The following EIF4G3 variants were observed in gnomAD, a reference collection of about 807,000 sequenced individuals.
EIF4G3 encodes the protein eukaryotic translation initiation factor 4 gamma 3.
In EIF4G3, 34 loss-of-function variants were observed where a neutral mutation model predicts 186.4. The ratio of observed to expected loss-of-function variants is 0.18; its 90% CI spans 0.14 to 0.24. The LOEUF (loss-of-function observed/expected upper bound fraction) is 0.24, where lower values mean the gene tolerates loss of function less well. Among genes scored for constraint, EIF4G3 ranks in the 10% least tolerant of loss-of-function variants. The pLI, the probability that EIF4G3 is intolerant of heterozygous loss-of-function variation, is 1.00. For missense variants in EIF4G3, 1,536 were observed against 1,948.5 expected, an observed-to-expected ratio of 0.79 and a Z score of 3.99; for synonymous variants, 673 against 679.5, an observed-to-expected ratio of 0.99 and a Z score of 0.15.
intron 2 of EIF4G3, among the ~76,000 whole-genome samples, chr1:21,129,531 G>C (rs894722847): frequency 1.1e-4 from 17 of 150,884 alleles, no homozygotes; most frequent in African/African-American, 4.2e-4. Flanking sequence ...AAACTGGAGA[G>C]AGTCCCATCT....
Position 20,865,157 on chromosome 1 carries a change from C to T in EIF4G3, c.2728G>A (p.Val910Ile). The T allele has an allele frequency of 6.2e-7, 1 of 1,614,124 alleles. No homozygotes were observed. The highest frequency in any genetic ancestry group is 8.5e-7 in the Non-Finnish European group (1 of 1,179,982). ...EFEKDKADDDVFEKKQKELEA... is the reference protein window; with the variant it reads ...EFEKDKADDDIFEKKQKELEA... ...AGTTCTTTCTGCTTCTTCTCAAAGA[C>T]ATCATCATCTGCTTTATCTTTTTCA... The change falls in exon 21 of 37, where the codon GTC becomes ATC. Residue 910 changes from valine to isoleucine, a missense_variant. Val to Ile is a conservative substitution (Grantham distance 29, BLOSUM62 3). This residue lies in a region of EIF4G3 where 77 missense variants were observed against 131.6 expected (regional missense o/e 0.59). Coordinates refer to ENST00000602326, the MANE Select transcript of EIF4G3 (RefSeq NM_001391906.1).
intron 2 of EIF4G3, among the ~76,000 whole-genome samples, chr1:21,118,806 CAG>C (rs2096875227): frequency 7.1e-6 from 1 of 140,492 alleles, no homozygotes; most frequent in Non-Finnish European, 1.6e-5. Context: ...AAAAAAGAAA[CAG>C]AAATGCTGAG....
At chr1:21,157,986 T>C (rs1232898719) in intron 2 of EIF4G3, among the ~76,000 whole-genome samples, 2 of 152,040 alleles carry the variant, frequency 1.3e-5, no homozygotes, top group African/African-American at 4.8e-5. Flanking sequence ...GAAAGAATAA[T>C]GAGCAGTAAG....
rs200981124 is a variant in EIF4G3 at position 20,817,286 on chromosome 1, AT to A, written c.4515+105del. The A allele has an allele frequency of 4.9e-3, 1,856 of 376,206 alleles. 42 individuals carry two copies. In the African/African-American group the frequency reaches 0.064, roughly 13 times the overall value. 23.3% of individuals were successfully genotyped at this position (376,206 alleles called of 1,614,324 possible). ...TAAAAAAATAAATAAATAAAAAAAAATAAAAATAAAAATTCATGAAGTGAAC... is the reference window on the plus strand; with the variant it reads ...TAAAAAAATAAATAAATAAAAAAAAAAAAAATAAAAATTCATGAAGTGAAC... On this transcript the variant is annotated intron_variant, in intron 34 of 36. Coordinates refer to ENST00000602326, the MANE Select transcript of EIF4G3 (RefSeq NM_001391906.1).
chr1:20,827,742 C>A, intron 31 of EIF4G3, 44 bp from the exon 32 acceptor site: 3 of 1,354,772 alleles, frequency 2.2e-6, no homozygotes, highest in African/African-American at 1.4e-5. Context: ...TAAAGAAATC[C>A]TTTCTTCTAG....
At chr1:20,901,249 T>C (rs370531254) in intron 15 of EIF4G3, among the ~76,000 whole-genome samples, 19 of 152,252 alleles carry the variant, frequency 1.2e-4, no homozygotes, top group Admixed American at 3.3e-4. Context: ...CATTTAAACA[T>C]TGAAAAAACC....
At chr1:21,135,921 C>A (rs2097233250) in intron 2 of EIF4G3, among the ~76,000 whole-genome samples, 1 of 152,170 alleles carries the variant, frequency 6.6e-6, no homozygotes, top group Non-Finnish European at 1.5e-5. Flanking sequence ...CGGTGGCTCA[C>A]GCCTGTAATC....
At chr1:20,993,340 T>C (rs1410364354) in intron 7 of EIF4G3, among the ~76,000 whole-genome samples, 1 of 152,158 alleles carries the variant, frequency 6.6e-6, no homozygotes, top group Non-Finnish European at 1.5e-5. Flanking sequence ...AGAAAATGTT[T>C]ACCATTTAAA....
chr1:21,149,092 TAA>T (rs34512908), intron 2 of EIF4G3, among the ~76,000 whole-genome samples: 2 of 137,394 alleles, frequency 1.5e-5, no homozygotes, highest in African/African-American at 2.7e-5. Flanking sequence ...ACTCTATCTC[TAA>T]AAAAAAAAAA....
chr1:20,903,149 C>G (rs1008078131), intron 15 of EIF4G3, among the ~76,000 whole-genome samples: 5 of 152,222 alleles, frequency 3.3e-5, no homozygotes, highest in African/African-American at 1.2e-4. Context: ...AAAATATTTC[C>G]TGGCATACAA....
intron 20 of EIF4G3, among the ~76,000 whole-genome samples, chr1:20,868,694 A>T (rs2078257823): frequency 6.6e-6 from 1 of 152,196 alleles, no homozygotes; most frequent in South Asian, 2.1e-4. Context: ...ACAGTCCATG[A>T]TCAGCACTAA....
chr1:21,104,510 C>T (rs1557980769), intron 2 of EIF4G3, among the ~76,000 whole-genome samples: 1 of 152,100 alleles, frequency 6.6e-6, no homozygotes, highest in Non-Finnish European at 1.5e-5. Flanking sequence ...CAAATCAAAA[C>T]CACAATGAGA....
intron 2 of EIF4G3, among the ~76,000 whole-genome samples, chr1:21,149,135 T>C (rs2097508448): frequency 1.3e-5 from 2 of 152,040 alleles, no homozygotes. Context: ...TATCAATATG[T>C]TAAAATAGGA....
chr1:20,950,306 G>C (rs1166547247), intron 12 of EIF4G3, among the ~76,000 whole-genome samples, 195 bp from the exon 13 acceptor site: 1 of 152,016 alleles, frequency 6.6e-6, no homozygotes, highest in Non-Finnish European at 1.5e-5. Context: ...TAAAGAAAGA[G>C]GCAGCAGAAA....
At chr1:20,954,906 T>C (rs1035195814) in intron 12 of EIF4G3, among the ~76,000 whole-genome samples, 1 of 152,208 alleles carries the variant, frequency 6.6e-6, no homozygotes, top group Non-Finnish European at 1.5e-5. Flanking sequence ...GAAGATATTC[T>C]GAGTAAGCAA....
intron 14 of EIF4G3, among the ~76,000 whole-genome samples, chr1:20,931,292 T>C (rs1451782870): frequency 1.3e-5 from 2 of 152,102 alleles, no homozygotes; most frequent in South Asian, 2.1e-4. Flanking sequence ...AAAGTCAAAA[T>C]TACTCTTTGA....
chr1:21,173,137 C>CAA (rs1193601902), intron 2 of EIF4G3, among the ~76,000 whole-genome samples: 9,192 of 29,160 alleles, frequency 0.32, 2,868 homozygotes, highest in Non-Finnish European at 0.45. Flanking sequence ...GACTCAATCT[C>CAA]AAAAAAAAAA....
chr1:21,057,748 A>G (rs1357619779), intron 3 of EIF4G3, among the ~76,000 whole-genome samples: 1 of 152,192 alleles, frequency 6.6e-6, no homozygotes. Context: ...CTGTGATAAA[A>G]TATCACTTAC....
chr1:21,020,022 G>T (rs925222031), intron 4 of EIF4G3, among the ~76,000 whole-genome samples: 1 of 152,162 alleles, frequency 6.6e-6, no homozygotes, highest in African/African-American at 2.4e-5. Flanking sequence ...TGTTACTATT[G>T]CAACTGCCAA....
Sources: allele counts gnomAD v4.1 joint callset (sites outside exome capture counted in the v4.1 genomes callset), GRCh38; gene constraint gnomAD v4.1.1; regional missense constraint gnomAD v4.1.1; transcripts MANE v1.5; gene names NCBI Gene and HGNC (gene_info 2026-07-23, HGNC 2026-07-21).